XRRA1: variants seen among roughly 807,000 people sequenced by gnomAD.
XRRA1 encodes the protein X-ray radiation resistance-associated protein 1.
XRRA1 carries 69 observed loss-of-function variants against 80.2 expected under a neutral mutation model. The observed-to-expected ratio is 0.86, with a 90% CI of 0.71 to 1.05. The LOEUF is 1.05. Among genes scored for constraint, XRRA1 ranks in the 50% least tolerant of loss-of-function variants. The pLI is 0.00. For synonymous variants in XRRA1, 348 were observed against 389.9 expected (o/e 0.89, Z 1.27); for missense variants, 967 against 976.4 (o/e 0.99, Z 0.13).
intron 10 of XRRA1, among the ~76,000 whole-genome samples, chr11:74,891,096 A>G (rs1350579795): frequency 6.6e-6 from 1 of 152,144 alleles, no homozygotes; most frequent in Non-Finnish European, 1.5e-5. Flanking sequence ...CAGAGACACA[A>G]CAAAAAAAGA....
intron 1 of XRRA1, among the ~76,000 whole-genome samples, chr11:74,947,868 G>A (rs1012296357): frequency 2.6e-5 from 4 of 152,146 alleles, no homozygotes; most frequent in African/African-American, 9.7e-5. Context: ...GGGATTACAG[G>A]TGCCCGCTAC....
At chr11:74,913,576 A>G (rs1257440218) in intron 8 of XRRA1, 4 of 152,178 alleles carry the variant, frequency 2.6e-5, no homozygotes, top group Admixed American at 2.6e-4. Context: ...CTCTTTATCA[A>G]TTAATAAGAA....
chr11:74,906,353 T>C lies in XRRA1; in HGVS notation c.889A>G (p.Ser297Gly). The C allele has an allele frequency of 6.2e-7, 1 of 1,614,020 alleles. No individual in the cohort carries two copies. The highest frequency in any genetic ancestry group is 8.5e-7 in the Non-Finnish European group (1 of 1,179,898). The change falls in exon 10 of 19, where the codon AGT becomes GGT. Residue 297 changes from serine (S) to glycine (G), a missense_variant. Transcript: ENST00000684022. ...ESVDWNGGRG[S>G]PHKEPQFMLQ... Reference sequence around the variant, plus strand: ...ATGAATTGGGGCTCTTTATGGGGACTTCCCCTGCCTCCATTCCAGTCTACT... The same window carrying C: ...ATGAATTGGGGCTCTTTATGGGGACCTCCCCTGCCTCCATTCCAGTCTACT...
chr11:74,853,612 A>C (rs144799653), intron 12 of XRRA1, among the ~76,000 whole-genome samples: 4 of 152,324 alleles, frequency 2.6e-5, no homozygotes, highest in South Asian at 2.1e-4. Context: ...CTGAATGATC[A>C]TGTGGAAGGC....
At chr11:74,846,482 G>A (rs1269633468) in intron 15 of XRRA1, among the ~76,000 whole-genome samples, 1 of 152,064 alleles carries the variant, frequency 6.6e-6, no homozygotes, top group African/African-American at 2.4e-5. Context: ...GACATCACAA[G>A]AAAGGAAAAA....
chr11:74,925,474 G>A (rs1160376253), intron 7 of XRRA1, among the ~76,000 whole-genome samples: 1 of 152,194 alleles, frequency 6.6e-6, no homozygotes, highest in Non-Finnish European at 1.5e-5. Flanking sequence ...ACTGTGAGCT[G>A]CAAATTCAGG....
At chr11:74,889,128 G>GA (rs1161918656) in intron 10 of XRRA1, among the ~76,000 whole-genome samples, 1 of 152,092 alleles carries the variant, frequency 6.6e-6, no homozygotes, top group Admixed American at 6.6e-5. Context: ...TGAAATGAAG[G>GA]AAAAAATGTT....
chr11:74,931,489 TA>T (rs1443885424), intron 5 of XRRA1, among the ~76,000 whole-genome samples: 6 of 151,256 alleles, frequency 4.0e-5, no homozygotes, highest in Non-Finnish European at 8.9e-5. Context: ...CATGCCCAGT[TA>T]ATTTTTTTAT....
At position 74,930,302 on chromosome 11, in the gene XRRA1, A is replaced by G. The variant is rs1472547398; in HGVS notation, c.422T>C (p.Leu141Pro). Residue 141 changes from leucine to proline, a missense_variant and splice_region_variant, in exon 6 of 19, where the codon CTA becomes CCA. By Grantham distance (98) the Leu-to-Pro change is moderately conservative. Coordinates refer to ENST00000684022, the MANE Select transcript of XRRA1 (RefSeq NM_001378157.1). ...YINASENLLP[L>P]EAFHTFPALK... ...CTTTCAAGAAAGAAAAAGCTTACCT[A>G]GAGGCAGCAGGTTTTCTGAGGCATT... 1 of 1,565,390 alleles carries G rather than the reference A, an allele frequency of 6.4e-7. No individual in the cohort carries two copies. The highest frequency in any genetic ancestry group is 1.2e-5 in the South Asian group (1 of 84,894).
chr11:74,912,041 G>C (rs574634411), intron 8 of XRRA1, among the ~76,000 whole-genome samples: 1 of 152,312 alleles, frequency 6.6e-6, no homozygotes, highest in South Asian at 2.1e-4. Context: ...GGAGTGAACA[G>C]AGAAAGACAA....
intron 4 of XRRA1, among the ~76,000 whole-genome samples, chr11:74,936,586 G>A (rs1429930389): frequency 6.6e-6 from 1 of 152,182 alleles, no homozygotes; most frequent in East Asian, 1.9e-4. Context: ...CCATTTACTA[G>A]CTGTGGAACC....
At chr11:74,880,390 T>G in intron 10 of XRRA1, among the ~76,000 whole-genome samples, 1 of 152,004 alleles carries the variant, frequency 6.6e-6, no homozygotes, top group East Asian at 1.9e-4. Context: ...CTATCAATTT[T>G]GTTGATCCTT....
At chr11:74,943,524 GGT>G (rs67590742) in intron 2 of XRRA1, among the ~76,000 whole-genome samples, 2,511 of 137,802 alleles carry the variant, frequency 0.018, 62 homozygotes, top group African/African-American at 0.049. Flanking sequence ...AGAGTAGGAG[GGT>G]GTGTGTGTGT....
intron 15 of XRRA1, among the ~76,000 whole-genome samples, chr11:74,846,842 G>A (rs572915575): frequency 1.2e-4 from 19 of 152,094 alleles, no homozygotes; most frequent in African/African-American, 3.6e-4. Flanking sequence ...CACAAGACAA[G>A]GAAGTCTGCT....
intron 12 of XRRA1, among the ~76,000 whole-genome samples, chr11:74,857,735 A>G (rs963121771): frequency 6.6e-6 from 1 of 152,256 alleles, no homozygotes; most frequent in African/African-American, 2.4e-5. Flanking sequence ...AAGTTTAAAT[A>G]GATTTCAGAA....
At position 74,937,017 on chromosome 11, in the gene XRRA1, T is replaced by C. The variant is rs200911624; in HGVS notation, c.146A>G (p.Lys49Arg). The C allele has an allele frequency of 4.4e-5, 71 of 1,613,764 alleles. No individual in the cohort carries two copies. Among genetic ancestry groups the C allele is most frequent in the Non-Finnish European group, 5.8e-5 (69 of 1,179,882 alleles). The change falls in exon 4 of 19, where the codon AAG becomes AGG. Residue 49 changes from lysine to arginine, a missense_variant. By Grantham distance (26) the Lys-to-Arg change is conservative (BLOSUM62 2). Transcript: ENST00000684022. ...TTCAGCTTGTGCTCCAACCAAACCC[T>C]TGGGCTTCTTCTTGAGGTTACCTTT... ...VQKGNLKKKP[K>R]GLVGAQAERR... is the part of the protein sequence containing the mutation.
chr11:74,924,391 G>A (rs922320232), intron 7 of XRRA1, among the ~76,000 whole-genome samples: 5 of 150,124 alleles, frequency 3.3e-5, no homozygotes, highest in Non-Finnish European at 7.4e-5. Flanking sequence ...GGAGAATGGC[G>A]TGAACCCGGG....
At chr11:74,908,435 G>C (rs2055113715) in intron 8 of XRRA1, among the ~76,000 whole-genome samples, 1 of 152,214 alleles carries the variant, frequency 6.6e-6, no homozygotes, top group African/African-American at 2.4e-5. Context: ...GGAAGGGGGA[G>C]CTGATGCCTG....
chr11:74,861,911 CTT>C (rs1033629030), intron 11 of XRRA1, among the ~76,000 whole-genome samples: 3 of 152,252 alleles, frequency 2.0e-5, no homozygotes, highest in East Asian at 1.9e-4. Flanking sequence ...TGAAGGAAAT[CTT>C]TTTGGGAACT....
Sources: gnomAD v4.1 joint callset for allele counts (sites outside exome capture counted in the v4.1 genomes callset) on GRCh38, gnomAD v4.1.1 for gene constraint, MANE v1.5 for transcripts, NCBI Gene and HGNC (gene_info 2026-07-23, HGNC 2026-07-21) for gene names.